Variants in PPA1 observed in about 807,000 individuals in gnomAD.
PPA1 encodes inorganic pyrophosphatase.
PPA1 carries 23 observed loss-of-function variants against 41.8 expected under a neutral mutation model. The ratio of observed to expected loss-of-function variants is 0.55; its 90% confidence interval spans 0.40 to 0.78. The LOEUF is 0.78. Among genes scored for constraint, PPA1 ranks in the 30% least tolerant of loss-of-function variants. The probability of loss-of-function intolerance (pLI) is 0.00; values close to 1 mark genes in which losing one functional copy is unlikely to be tolerated. For synonymous variants in PPA1, 101 were observed against 116.8 expected (o/e 0.86, Z 0.87); for missense variants, 320 against 361.6 (o/e 0.89, Z 0.93).
At chr10:70,220,548 TAA>T (rs1491428430) in intron 2 of PPA1, among the ~76,000 whole-genome samples, 4 of 12,580 alleles carry the variant, frequency 3.2e-4, no homozygotes, top group Non-Finnish European at 4.4e-4. Context: ...TTTTTATGTA[TAA>T]TATATATATA....
chr10:70,226,251 C>A (rs1840229215), intron 2 of PPA1, among the ~76,000 whole-genome samples: 1 of 152,170 alleles, frequency 6.6e-6, no homozygotes, highest in Non-Finnish European at 1.5e-5. Flanking sequence ...CTGTGTAGAG[C>A]AATAACTTAA....
At chr10:70,209,103 T>C in intron 8 of PPA1, 102 bp downstream of exon 8, 3 of 822,588 alleles carry the variant, frequency 3.6e-6, no homozygotes, top group South Asian at 5.1e-5. Flanking sequence ...CTTGTATCTC[T>C]TTTCTAAGTG....
chr10:70,214,586 T>C lies in PPA1; in HGVS notation c.298A>G (p.Thr100Ala), dbSNP rs1840058072. The change falls in exon 5 of 11, where the codon ACT (threonine) becomes GCT (alanine). Residue 100 changes from threonine (T) to alanine (A), a missense_variant and splice_region_variant. Transcript: ENST00000373232. ...YIWNYGAIPQ[T>A]WEDPGHNDKH... ...TCATTGTGCCCTGGGTCTTCCCAAG[T>C]CTAAAAATATAAGACAGTGTATATC... is the stretch of plus-strand genomic sequence containing the variant. The C allele has an allele frequency of 5.6e-6, 9 of 1,609,628 alleles. No individual in the cohort carries two copies. In the South Asian group the frequency reaches 8.8e-5, roughly 16 times the overall value.
intron 10 of PPA1, 35 bp downstream of exon 10, chr10:70,204,838 T>A (rs572102899): frequency 5.3e-6 from 8 of 1,518,432 alleles, no homozygotes; most frequent in Admixed American, 3.7e-5. Context: ...AACTGTGTAA[T>A]GTTTAATGAA....
At chr10:70,217,064 G>A (rs1158320903) in intron 4 of PPA1, among the ~76,000 whole-genome samples, 2 of 151,986 alleles carry the variant, frequency 1.3e-5, no homozygotes, top group South Asian at 2.1e-4. Flanking sequence ...GCTGAGGCAG[G>A]AGAATGGCGT....
rs369920398 is a variant in PPA1, at chr10:70,207,539, C to T, written c.726-1206G>A. Among the ~76,000 whole-genome samples, 61 of 152,080 alleles carry T rather than the reference C, an allele frequency of 4.0e-4. No homozygotes were observed. In the East Asian group the frequency reaches 0.01, roughly 26 times the overall value. ...TAAAAATCATCTGGGAGTGGTGATG[C>T]GTGCCTGTAGTACCCAGCTACTTGG... On this transcript the variant is annotated intron_variant, in intron 8 of 10. Coordinates refer to ENST00000373232, the MANE Select transcript of PPA1 (RefSeq NM_021129.4).
At chr10:70,222,111 G>A (rs531674336) in intron 2 of PPA1, among the ~76,000 whole-genome samples, 33 of 151,934 alleles carry the variant, frequency 2.2e-4, no homozygotes, top group South Asian at 1.2e-3. Context: ...CGAGGTGGGC[G>A]GATTATGAGG....
At chr10:70,233,182 G>C (rs1234353993) in intron 1 of PPA1, 82 bp downstream of exon 1, 4 of 1,438,368 alleles carry the variant, frequency 2.8e-6, no homozygotes, top group South Asian at 1.3e-5. Flanking sequence ...GGCCGAGCGC[G>C]GGCCGCACCC....
chr10:70,222,253 G>GAACC (rs1840179395), intron 2 of PPA1, among the ~76,000 whole-genome samples: 1 of 148,826 alleles, frequency 6.7e-6, no homozygotes, highest in African/African-American at 2.5e-5. Flanking sequence ...GGAGAATGGC[G>GAACC]TGAACCTGGG....
rs1249785572 is a variant in PPA1 at position 70,230,386 on chromosome 10, T to TC, written c.77dup (p.Gln27ThrfsTer8). The stretch of plus-strand genomic sequence containing the variant: ...TATCATGAAATGGAGATATATATTG[T>TC]CCTTTCTCATTTTCTGCAAAATAAA... On this transcript the variant is annotated frameshift_variant, in exon 2 of 11. Transcript: ENST00000373232. LOFTEE classifies it high-confidence loss of function. 8 of 1,611,018 alleles carry TC rather than the reference T, an allele frequency of 5.0e-6. No homozygotes were observed. The highest frequency in any genetic ancestry group is 6.8e-6 in the Non-Finnish European group (8 of 1,178,546).
intron 2 of PPA1, among the ~76,000 whole-genome samples, chr10:70,220,719 A>T (rs866989976): frequency 8.7e-5 from 1 of 11,448 alleles, no homozygotes; most frequent in African/African-American, 4.8e-4. Flanking sequence ...TATATAATTT[A>T]TATATATAAT....
intron 6 of PPA1, chr10:70,210,274 G>A (rs561663897): frequency 2.6e-6 from 2 of 757,840 alleles, no homozygotes; most frequent in East Asian, 5.4e-5. Context: ...ATGGGGTCTC[G>A]TCATGTTGCC....
chr10:70,231,485 T>TG (rs2136774342), intron 1 of PPA1, among the ~76,000 whole-genome samples: 1 of 152,328 alleles, frequency 6.6e-6, no homozygotes, highest in Non-Finnish European at 1.5e-5. Context: ...GAGAATCACT[T>TG]GAACCCGGGA....
Position 70,217,856 on chromosome 10 carries a change from A to G in PPA1, c.253T>C (p.Phe85Leu), listed in dbSNP as rs1840096467. The change falls in exon 4 of 11, where the codon TTC becomes CTC. Residue 85 changes from phenylalanine to leucine, a missense_variant. By Grantham distance (22) the Phe-to-Leu change is conservative (BLOSUM62 0). Coordinates refer to ENST00000373232, the MANE Select transcript of PPA1 (RefSeq NM_021129.4). ...KGKLRYVANL[F>L]PYKGYIWNYG... ...TTCCAGATATATCCTTTATACGGGAACAAATTCGCAACATAGCGAAGTTTT... is the reference window on the plus strand; with the variant it reads ...TTCCAGATATATCCTTTATACGGGAGCAAATTCGCAACATAGCGAAGTTTT... 6.2e-7 allele frequency: 1 copy of G among 1,607,322 alleles called. No homozygotes were observed. The highest frequency in any genetic ancestry group is 8.5e-7 in the Non-Finnish European group (1 of 1,175,934).
chr10:70,210,500 A>G (rs1276599065), intron 6 of PPA1: 9 of 1,259,502 alleles, frequency 7.1e-6, no homozygotes, highest in Non-Finnish European at 9.6e-6. Context: ...GCTGGATAGT[A>G]CAGGCACTGT....
intron 2 of PPA1, among the ~76,000 whole-genome samples, chr10:70,220,499 TA>T (rs1374582152): frequency 9.7e-6 from 1 of 102,888 alleles, no homozygotes; most frequent in South Asian, 2.5e-4. Context: ...ATATATTATA[TA>T]ATTTTATATA....
chr10:70,203,033 G>C lies in PPA1; in HGVS notation c.*122C>G. On this transcript the variant is annotated 3_prime_UTR_variant, in exon 11 of 11. Coordinates refer to ENST00000373232, the MANE Select transcript of PPA1 (RefSeq NM_021129.4). ...TGAGTATATTGGATTAGTCACAGCA[G>C]AATTTACTTTAGTTAGATGAGTTCT... The C allele has an allele frequency of 1.0e-6, 1 of 970,556 alleles. No homozygotes were observed. The highest frequency in any genetic ancestry group is 1.6e-6 in the Non-Finnish European group (1 of 624,074). 60.1% of individuals were successfully genotyped at this position (970,556 alleles called of 1,614,324 possible).
At chr10:70,204,788 C>T (rs377025834) in intron 10 of PPA1, 85 bp downstream of exon 10, 290 of 1,083,736 alleles carry the variant, frequency 2.7e-4, no homozygotes, top group Non-Finnish European at 3.0e-4. Flanking sequence ...ATTTAATTAT[C>T]ATTTGTCAAC....
At chr10:70,218,016 C>T (rs1168217762) in intron 3 of PPA1, 85 bp from the exon 4 acceptor site, 1 of 1,184,830 alleles carries the variant, frequency 8.4e-7, no homozygotes, top group African/African-American at 1.5e-5. Context: ...ATTATGGTAC[C>T]TATGTTCCCT....
Sources: gnomAD v4.1 joint callset for allele counts (sites outside exome capture counted in the v4.1 genomes callset) on GRCh38, gnomAD v4.1.1 for gene constraint, MANE v1.5 for transcripts, NCBI Gene and HGNC (gene_info 2026-07-23, HGNC 2026-07-21) for gene names.